Variants in AASS observed in about 807,000 individuals in gnomAD.
AASS encodes the protein aminoadipate-semialdehyde synthase.
Under a neutral mutation model 105.4 loss-of-function variants are expected in AASS, and 86 were observed. That is an observed-to-expected ratio of 0.82 (90% confidence interval 0.69 to 0.98). The LOEUF (loss-of-function observed/expected upper bound fraction) is 0.98, where lower values mean the gene tolerates loss of function less well. Ranked by LOEUF, AASS falls within the 50% of genes least tolerant of loss-of-function variation. The probability of loss-of-function intolerance (pLI) is 0.00; values close to 1 mark genes in which losing one functional copy is unlikely to be tolerated. For synonymous variants in AASS, 381 were observed against 394.8 expected, an observed-to-expected ratio of 0.96 and a Z score of 0.41; for missense variants, 1,048 against 1,143.2, an observed-to-expected ratio of 0.92 and a Z score of 1.20.
In AASS at chr7:122,133,621, A is replaced by G; in HGVS notation, c.106T>C (p.Trp36Arg). 6.2e-7 allele frequency: 1 copy of G among 1,614,176 alleles called. No homozygotes were observed. Reference protein sequence around the residue: ...LAVRREDVNAWERRAPLAPKH... With the variant: ...LAVRREDVNARERRAPLAPKH... ...GGAGCTAGCGGGGCCCTTCTCTCCC[A>G]GGCGTTCACATCCTCCCTCCGGACG... Residue 36 changes from tryptophan to arginine, a missense_variant, in exon 2 of 24, where the codon TGG (tryptophan) becomes CGG (arginine). Coordinates refer to ENST00000417368, the MANE Select transcript of AASS (RefSeq NM_005763.4).
intron 20 of AASS, among the ~76,000 whole-genome samples, chr7:122,080,035 A>T (rs556987139): frequency 2.6e-5 from 4 of 152,182 alleles, no homozygotes; most frequent in African/African-American, 9.6e-5. Flanking sequence ...GTTTTTATCC[A>T]TTCTCCCCCT....
chr7:122,131,418 A>G (rs200643462), intron 2 of AASS, among the ~76,000 whole-genome samples: 2 of 151,882 alleles, frequency 1.3e-5, no homozygotes, highest in Non-Finnish European at 2.9e-5. Context: ...TGATCCTGAC[A>G]CTATTTATAC....
intron 2 of AASS, 33 bp from the exon 3 acceptor site, chr7:122,129,570 C>A (rs768119845): frequency 6.2e-7 from 1 of 1,601,770 alleles, no homozygotes; most frequent in African/African-American, 1.3e-5. Context: ...AGGTTATTAT[C>A]CTGATTTGTA....
intron 15 of AASS, among the ~76,000 whole-genome samples, chr7:122,096,385 C>T (rs1794155721): frequency 6.6e-6 from 1 of 152,024 alleles, no homozygotes; most frequent in African/African-American, 2.4e-5. Flanking sequence ...GTAATCCTGA[C>T]ACTTTGAGAG....
chr7:122,098,553 C>A lies in AASS; in HGVS notation c.1552G>T (p.Glu518Ter). The change falls in exon 15 of 24, where the codon GAA (glutamate) becomes TAA (stop). Residue 518 changes from glutamate (E) to a stop codon, truncating the protein, a stop_gained. Coordinates refer to ENST00000417368, the MANE Select transcript of AASS (RefSeq NM_005763.4). LOFTEE classifies it high-confidence loss of function. Reference sequence around the variant, plus strand: ...ATATTATATTTCTTGCCTAACTGTTCAATTTGATTCTTCATGTCAGATCCT... The same window carrying A: ...ATATTATATTTCTTGCCTAACTGTTAAATTTGATTCTTCATGTCAGATCCT... ...TVGSDMKNQI[E>*]QLGKKYNINP... 6.2e-7 allele frequency: 1 copy of A among 1,609,408 alleles called. No homozygotes were observed. The highest frequency in any genetic ancestry group is 1.1e-5 in the South Asian group (1 of 90,876).
chr7:122,111,676 G>A (rs923199241), intron 11 of AASS, among the ~76,000 whole-genome samples: 12 of 152,096 alleles, frequency 7.9e-5, no homozygotes, highest in Admixed American at 7.2e-4. Context: ...GGCCGAGGCG[G>A]GTGGATCACG....
chr7:122,081,801 G>T, intron 19 of AASS: 1 of 563,244 alleles, frequency 1.8e-6, no homozygotes, highest in Non-Finnish European at 3.1e-6. Context: ...CACCAAAAAA[G>T]TATTGAGGAT....
At chr7:122,133,079 T>A (rs528540780) in intron 2 of AASS, among the ~76,000 whole-genome samples, 1 of 152,318 alleles carries the variant, frequency 6.6e-6, no homozygotes, top group South Asian at 2.1e-4. Context: ...TTATGATGTC[T>A]GTGATCTACT....
Position 122,118,434 on chromosome 7 carries a change from T to C in AASS, c.560A>G (p.Asn187Ser). The C allele has an allele frequency of 2.5e-6, 4 of 1,614,166 alleles. No homozygotes were observed. Among genetic ancestry groups the C allele is most frequent in the Non-Finnish European group, 3.4e-6 (4 of 1,180,018 alleles). ...TPFMHIGMAH[N>S]YRNSSQAVQA... Reference sequence around the variant, plus strand: ...CACAGCCTGACTGCTATTCCTGTAGTTATGAGCCATGCCAATGTGCTGAAA... The same window carrying C: ...CACAGCCTGACTGCTATTCCTGTAGCTATGAGCCATGCCAATGTGCTGAAA... Residue 187 changes from asparagine (N) to serine (S), a missense_variant, in exon 6 of 24, where the codon AAC becomes AGC. By Grantham distance (46) the Asn-to-Ser change is conservative (BLOSUM62 1). Coordinates refer to ENST00000417368, the MANE Select transcript of AASS (RefSeq NM_005763.4).
Position 122,091,759 on chromosome 7 carries a change from G to A in AASS, c.1960C>T (p.Pro654Ser), listed in dbSNP as rs149153982. The A allele has an allele frequency of 3.7e-6, 6 of 1,613,278 alleles. No homozygotes were observed. In the South Asian group the frequency reaches 4.4e-5, roughly 12 times the overall value. ...NPLRYKFSWS[P>S]VGVLMNVMQS... ...ATTACATTCATCAAAACTCCCACTG[G>A]ACTCCAGCTAAATTTATATCTCAAT... Residue 654 changes from proline (P) to serine (S), a missense_variant, in exon 18 of 24, where the codon CCA (proline) becomes TCA (serine). Physicochemically the swap from Pro to Ser is moderately conservative, Grantham distance 74. Coordinates refer to ENST00000417368, the MANE Select transcript of AASS (RefSeq NM_005763.4).
Position 122,076,499 on chromosome 7 carries a change from A to G in AASS, c.2771T>C (p.Ile924Thr), listed in dbSNP as rs1793016013. The G allele has an allele frequency of 6.2e-7, 1 of 1,608,458 alleles. No individual in the cohort carries two copies. Among genetic ancestry groups the G allele is most frequent in the Non-Finnish European group, 8.5e-7 (1 of 1,174,844 alleles). ...EGIIYTTQSTIKP is the reference protein window; with the variant it reads ...EGIIYTTQSTTKP ...AAATATAATTCCCAATTATGGTTTA[A>G]TTGTACTCTGTGTAGTATATATAAT... The change falls in exon 24 of 24, where the codon ATT (isoleucine) becomes ACT (threonine). Residue 924 changes from isoleucine to threonine, a missense_variant. By Grantham distance (89) the Ile-to-Thr change is moderately conservative. Coordinates refer to ENST00000417368, the MANE Select transcript of AASS (RefSeq NM_005763.4).
At chr7:122,082,542 C>T (rs1793396993) in intron 19 of AASS, among the ~76,000 whole-genome samples, 1 of 152,138 alleles carries the variant, frequency 6.6e-6, no homozygotes, top group East Asian at 1.9e-4. Flanking sequence ...TATTCAGCTG[C>T]TGTACTGAAG....
At position 122,091,805 on chromosome 7, in the gene AASS, G is replaced by A. The variant is rs759448548; in HGVS notation, c.1914C>T (p.Ala638=). 5.8e-5 allele frequency: 94 copies of A among 1,612,960 alleles called. No individual in the cohort carries two copies. In the South Asian group the frequency reaches 8.8e-4, roughly 15 times the overall value. Residue 638 remains alanine, a synonymous_variant, in exon 18 of 24, where the codon GCC becomes GCT. Coordinates refer to ENST00000417368, the MANE Select transcript of AASS (RefSeq NM_005763.4). ...SYISYCGGLP[A]PEHSNNPLRY... ...TCAATGGATTGTTTGAATGTTCAGG[G>A]GCTGGAAGCCCACCACAGTAGGAAA...
intron 13 of AASS, among the ~76,000 whole-genome samples, chr7:122,099,787 A>G (rs1201035313): frequency 8.1e-6 from 1 of 122,810 alleles, no homozygotes; most frequent in Admixed American, 7.4e-5. Context: ...ATAAAAATAA[A>G]TATAAGTATA....
chr7:122,133,001 A>G (rs1484064570), intron 2 of AASS, among the ~76,000 whole-genome samples: 4 of 152,202 alleles, frequency 2.6e-5, no homozygotes, highest in Non-Finnish European at 4.4e-5. Flanking sequence ...TGAAAGTCAT[A>G]TTGTGGTTAT....
At chr7:122,078,837 A>G (rs1295650162) in intron 22 of AASS, 25 bp downstream of exon 22, 2 of 1,594,424 alleles carry the variant, frequency 1.3e-6, no homozygotes, top group Non-Finnish European at 1.7e-6. Flanking sequence ...CTTTAGGTAT[A>G]TTTAGCTAAT....
intron 2 of AASS, among the ~76,000 whole-genome samples, chr7:122,131,366 C>G (rs978749637): frequency 2.0e-5 from 3 of 150,384 alleles, no homozygotes; most frequent in Non-Finnish European, 4.4e-5. Flanking sequence ...AAATAGTAAA[C>G]TTCATTTAGT....
At chr7:122,096,374 T>A (rs1044220178) in intron 15 of AASS, among the ~76,000 whole-genome samples, 3 of 152,134 alleles carry the variant, frequency 2.0e-5, no homozygotes, top group Non-Finnish European at 4.4e-5. Context: ...GGCTTATGCC[T>A]GTAATCCTGA....
intron 19 of AASS, among the ~76,000 whole-genome samples, chr7:122,084,734 A>G (rs1328165628): frequency 6.6e-6 from 1 of 152,128 alleles, no homozygotes; most frequent in Admixed American, 6.6e-5. Context: ...GAACGACAGA[A>G]AAGCAGGCAC....
Sources: allele counts gnomAD v4.1 joint callset (sites outside exome capture counted in the v4.1 genomes callset), GRCh38; gene constraint gnomAD v4.1.1; transcripts MANE v1.5; gene names NCBI Gene and HGNC (gene_info 2026-07-23, HGNC 2026-07-21).